Variants in ZBP1 observed in about 807,000 individuals in gnomAD.
ZBP1 encodes Z-DNA binding protein 1.
In ZBP1, 42 loss-of-function variants were observed where a neutral mutation model predicts 41.1. The ratio of observed to expected loss-of-function variants is 1.02; its 90% CI spans 0.80 to 1.32. ZBP1 has a LOEUF of 1.32. ZBP1 is among the 40% of genes most tolerant of loss of function. The probability of loss-of-function intolerance (pLI) is 0.00; values close to 1 mark genes in which losing one functional copy is unlikely to be tolerated. For missense variants in ZBP1, 562 were observed against 549.7 expected (o/e 1.02, Z -0.22); for synonymous variants, 214 against 205.2 (o/e 1.04, Z -0.37).
intron 1 of ZBP1, 150 bp downstream of exon 1, chr20:57,620,112 A>G: frequency 1.1e-6 from 1 of 909,274 alleles, no homozygotes; most frequent in Non-Finnish European, 1.7e-6. Context: ...CTGGGATTAC[A>G]GGCGTGAGCC....
chr20:57,604,068 T>C lies in ZBP1; in HGVS notation c.*505A>G, dbSNP rs1162815310. 13 of 200,470 alleles carry C rather than the reference T, an allele frequency of 6.5e-5. No individual in the cohort carries two copies. The highest frequency in any genetic ancestry group is 5.1e-5 in the Non-Finnish European group (5 of 97,310). The allele number at this position is 200,470 out of a possible 1,614,324, so 12.4% of individuals were successfully genotyped here. A position where few individuals can be genotyped will look rare whatever the true frequency, so the allele number is the denominator to read the frequency against. Reference sequence around the variant, plus strand: ...ATTTTTTTTTTTAGTAGAGACGGGGTTTCACCATGTTAGCCAGGACGGTCT... The same window carrying C: ...ATTTTTTTTTTTAGTAGAGACGGGGCTTCACCATGTTAGCCAGGACGGTCT... On this transcript the variant is annotated 3_prime_UTR_variant, in exon 8 of 8. Transcript: ENST00000371173.
intron 1 of ZBP1, chr20:57,616,669 T>A: frequency 1.7e-6 from 1 of 598,504 alleles, no homozygotes; most frequent in Middle Eastern, 4.6e-4. Context: ...TGCAGGCTGA[T>A]CAGAAACGGC....
rs1458147543 is a variant in ZBP1, at chr20:57,604,773, G to T, written c.1094-4C>A. On this transcript the variant is annotated splice_region_variant and splice_polypyrimidine_tract_variant and intron_variant, in intron 7 of 7. Coordinates refer to ENST00000371173, the MANE Select transcript of ZBP1 (RefSeq NM_030776.3). ...TGTGTGTCTGCGGGACGACGACCTA[G>T]GGAAGAGAAGATGGGGGATCAGCTT... The T allele has an allele frequency of 1.2e-6, 2 of 1,611,116 alleles. No individual in the cohort carries two copies. Among genetic ancestry groups the T allele is most frequent in the Non-Finnish European group, 1.7e-6 (2 of 1,177,954 alleles).
At position 57,620,313 on chromosome 20, in the gene ZBP1, G is replaced by A; in HGVS notation, c.-18C>T. The A allele has an allele frequency of 1.3e-6, 2 of 1,592,496 alleles. No homozygotes were observed. Among genetic ancestry groups the A allele is most frequent in the Non-Finnish European group, 1.7e-6 (2 of 1,168,864 alleles). ...TGGGCCATGCTGACAGCAGCTGCAA[G>A]GAGTCGGAGAGACTTGGCAGGTGTG... On this transcript the variant is annotated 5_prime_UTR_variant, in exon 1 of 8. Coordinates refer to ENST00000371173, the MANE Select transcript of ZBP1 (RefSeq NM_030776.3).
In ZBP1 at chr20:57,616,431, C is replaced by T. The variant is rs1415690765; in HGVS notation, c.72G>A (p.Glu24=). 6.2e-7 allele frequency: 1 copy of T among 1,613,862 alleles called. No individual in the cohort carries two copies. Among genetic ancestry groups the T allele is most frequent in the Non-Finnish European group, 8.5e-7 (1 of 1,180,016 alleles). ...GGGCAAGTTTCACCGGGGAGCCAGCCTCTGTCAGCACCTGCAGGATTCTTT... is the reference window on the plus strand; with the variant it reads ...GGGCAAGTTTCACCGGGGAGCCAGCTTCTGTCAGCACCTGCAGGATTCTTT... The part of the protein sequence containing the change: ...LEQRILQVLT[E]AGSPVKLAQL... The change falls in exon 2 of 8, where the codon GAG becomes GAA. Residue 24 remains glutamate, a synonymous_variant. Coordinates refer to ENST00000371173, the MANE Select transcript of ZBP1 (RefSeq NM_030776.3).
chr20:57,615,088 G>A (rs183980404), intron 3 of ZBP1, 28 bp from the exon 4 acceptor site: 3 of 1,613,100 alleles, frequency 1.9e-6, no homozygotes, highest in African/African-American at 2.7e-5. Flanking sequence ...CAGGTGGTTA[G>A]GGAGTAGTCC....
intron 4 of ZBP1, among the ~76,000 whole-genome samples, chr20:57,614,076 C>A (rs1265940514): frequency 6.6e-6 from 1 of 151,964 alleles, no homozygotes; most frequent in Non-Finnish European, 1.5e-5. Flanking sequence ...CTTTTGTTGC[C>A]CAGGCTGGAG....
intron 6 of ZBP1, among the ~76,000 whole-genome samples, chr20:57,611,155 C>A (rs1461288701): frequency 1.3e-5 from 2 of 152,202 alleles, no homozygotes; most frequent in Non-Finnish European, 2.9e-5. Context: ...GTTGGCCCAG[C>A]CTCTGCTTCT....
intron 2 of ZBP1, 99 bp downstream of exon 2, chr20:57,616,145 T>A: frequency 1.8e-6 from 2 of 1,110,316 alleles, no homozygotes; most frequent in Non-Finnish European, 2.6e-6. Flanking sequence ...AGCTCCCATG[T>A]GGCAGAGTTC....
intron 1 of ZBP1, among the ~76,000 whole-genome samples, chr20:57,618,999 G>T (rs922877799): frequency 1.1e-4 from 16 of 152,350 alleles, no homozygotes; most frequent in Non-Finnish European, 8.8e-5. Flanking sequence ...GGCTGGCCTC[G>T]ACTGCTGAGT....
In ZBP1 at chr20:57,613,203, G is replaced by A. The variant is rs368487372; in HGVS notation, c.630C>T (p.His210=). 22 of 1,614,078 alleles carry A rather than the reference G, an allele frequency of 1.4e-5. No homozygotes were observed. The highest frequency in any genetic ancestry group is 6.6e-5 in the South Asian group (6 of 91,092). The change falls in exon 5 of 8, where the codon CAC becomes CAT. Residue 210 remains histidine (H), a synonymous_variant. Transcript: ENST00000371173. The surrounding 1 kb of genome is among the most constrained non-coding windows in gnomAD (Gnocchi z 4.5). ...CTGTCTGTCTTGTAATGATGTTCCC[G>A]TGTCCAATCTGGATGGCTTCGGAGT... ...IANSEAIQIG[H]GNIITRQTVS...
Position 57,612,273 on chromosome 20 carries a change from AGT to A in ZBP1, c.671-345_671-344del, listed in dbSNP as rs150851269. On this transcript the variant is annotated intron_variant, in intron 5 of 7. Coordinates refer to ENST00000371173, the MANE Select transcript of ZBP1 (RefSeq NM_030776.3). ...ACACCAAAGGCTCAGAGCCTCCCGC[AGT>A]GTTTTAACTGCCAGGGACAACATTT... Among the ~76,000 whole-genome samples the A allele has an allele frequency of 8.0e-3, 1,223 of 152,306 alleles. 8 individuals carry two copies. Among genetic ancestry groups the A allele is most frequent in the African/African-American group, 0.025 (1,036 of 41,564 alleles).
rs1243864162 is a variant in ZBP1 at position 57,616,315 on chromosome 20, G to A, written c.188C>T (p.Pro63Leu). Residue 63 changes from proline (P) to leucine (L), a missense_variant, in exon 2 of 8, where the codon CCT becomes CTT. Coordinates refer to ENST00000371173, the MANE Select transcript of ZBP1 (RefSeq NM_030776.3). ...AGTCCCGCCCAAGCACCAGGTGGCA[G>A]GGGATGTGAGGGAGACTTTCAACTC... is the stretch of plus-strand genomic sequence containing the variant. ...KKELKVSLTS[P>L]ATWCLGGTDP... 6.2e-7 allele frequency: 1 copy of A among 1,614,178 alleles called. No individual in the cohort carries two copies. Among genetic ancestry groups the A allele is most frequent in the East Asian group, 2.2e-5 (1 of 44,878 alleles).
At chr20:57,615,408 G>T in intron 3 of ZBP1, 104 bp downstream of exon 3, 1 of 1,259,422 alleles carries the variant, frequency 7.9e-7, no homozygotes, top group Admixed American at 2.0e-5. Context: ...GGTGGGACAG[G>T]GCCCCTGAAC....
intron 1 of ZBP1, chr20:57,616,715 A>C: frequency 1.9e-6 from 1 of 538,002 alleles, no homozygotes; most frequent in Non-Finnish European, 3.3e-6. Flanking sequence ...GGGAGGTGCC[A>C]CCTCGCCTGT....
Position 57,604,402 on chromosome 20 carries a change from G to A in ZBP1, c.*171C>T, listed in dbSNP as rs762233491. 2.9e-5 allele frequency: 24 copies of A among 814,110 alleles called. No individual in the cohort carries two copies. The highest frequency in any genetic ancestry group is 7.8e-5 in the Admixed American group (4 of 50,978). 50.4% of individuals were successfully genotyped at this position (814,110 alleles called of 1,614,324 possible). A position where few individuals can be genotyped will look rare whatever the true frequency, so the allele number is the denominator to read the frequency against. On this transcript the variant is annotated 3_prime_UTR_variant, in exon 8 of 8. Coordinates refer to ENST00000371173, the MANE Select transcript of ZBP1 (RefSeq NM_030776.3). ...CTACTCCTGGCCATCAAAAGACCTG[G>A]CCTGAACCCATCCCCATGCCAGGTC... is the stretch of plus-strand genomic sequence containing the variant.
rs112307309 is a variant in ZBP1, at chr20:57,615,273, A to G, written c.329-213T>C. 9.1e-5 allele frequency: 62 copies of G among 682,706 alleles called. No individual in the cohort carries two copies. The African/African-American group carries it at 1.0e-3, about 12-fold the overall frequency. The allele number at this position is 682,706 out of a possible 1,614,324, so 42.3% of individuals were successfully genotyped here. The stretch of plus-strand genomic sequence containing the variant: ...CAGAGTGCTCTGCGCTGGGCCTGGC[A>G]TGTGGCGGGTGCATGGTGAGGGTCA... On this transcript the variant is annotated intron_variant, in intron 3 of 7. Transcript: ENST00000371173.
intron 7 of ZBP1, among the ~76,000 whole-genome samples, chr20:57,609,081 G>A (rs2070576861): frequency 6.6e-6 from 1 of 152,172 alleles, no homozygotes; most frequent in Non-Finnish European, 1.5e-5. Flanking sequence ...CCAGGCCCTG[G>A]CTCTGCTCTC....
Position 57,613,046 on chromosome 20 carries a change from C to A in ZBP1, c.670+117G>T, listed in dbSNP as rs1456692127. On this transcript the variant is annotated intron_variant, in intron 5 of 7. Transcript: ENST00000371173. The surrounding 1 kb of genome is among the most constrained non-coding windows in gnomAD (Gnocchi z 4.5). ...TGGACTGTGGGGGTCTGGAAGCAAC[C>A]CTTTCCCCTTGGAGGGCAGAATCCC... The A allele has an allele frequency of 3.9e-6, 6 of 1,538,410 alleles. No individual in the cohort carries two copies. The highest frequency in any genetic ancestry group is 1.8e-4 in the Middle Eastern group (1 of 5,652).
Sources: allele counts gnomAD v4.1 joint callset (sites outside exome capture counted in the v4.1 genomes callset), GRCh38; gene constraint gnomAD v4.1.1; non-coding constraint Gnocchi (gnomAD v3.1); transcripts MANE v1.5; gene names NCBI Gene and HGNC (gene_info 2026-07-23, HGNC 2026-07-21).